Variants in LEPR observed in about 807,000 individuals in gnomAD.
LEPR encodes the protein leptin receptor, also known as OB receptor.
In LEPR, 56 loss-of-function variants were observed where a neutral mutation model predicts 114.7. The observed-to-expected ratio is 0.49, with a 90% CI of 0.39 to 0.61. The LOEUF is 0.61. Among genes scored for constraint, LEPR ranks in the 20% least tolerant of loss-of-function variants. The pLI is 0.00. For missense variants in LEPR, 1,202 were observed against 1,352.9 expected, an observed-to-expected ratio of 0.89 and a Z score of 1.75; for synonymous variants, 443 against 461.4, an observed-to-expected ratio of 0.96 and a Z score of 0.51.
intron 2 of LEPR, among the ~76,000 whole-genome samples, chr1:65,522,039 G>A (rs955921882): frequency 5.9e-5 from 9 of 152,110 alleles, no homozygotes; most frequent in Non-Finnish European, 1.3e-4. Context: ...TAAGATCTGT[G>A]TGGTAATTAG....
intron 2 of LEPR, chr1:65,525,530 G>T (rs1649881098): frequency 2.8e-6 from 2 of 722,868 alleles, no homozygotes; most frequent in South Asian, 6.2e-5. Flanking sequence ...AGCCGCTCGA[G>T]TCCGCTCCTC....
At chr1:65,540,613 C>A (rs1238394001) in intron 2 of LEPR, among the ~76,000 whole-genome samples, 1 of 152,192 alleles carries the variant, frequency 6.6e-6, no homozygotes, top group Non-Finnish European at 1.5e-5. Context: ...TTATAGTCTA[C>A]AGGACCATGA....
At chr1:65,566,649 A>G (rs1016152393) in intron 3 of LEPR, among the ~76,000 whole-genome samples, 37 of 152,338 alleles carry the variant, frequency 2.4e-4, no homozygotes, top group African/African-American at 8.7e-4. Context: ...AACAAAACTT[A>G]TGTGATTTGG....
chr1:65,526,747 G>A (rs182620574), intron 2 of LEPR, among the ~76,000 whole-genome samples: 3 of 152,218 alleles, frequency 2.0e-5, no homozygotes, highest in Non-Finnish European at 1.5e-5. Flanking sequence ...CAAGTTGGAG[G>A]GTTGGATTAA....
intron 2 of LEPR, among the ~76,000 whole-genome samples, chr1:65,450,805 C>G (rs1646774683): frequency 6.6e-6 from 1 of 151,992 alleles, no homozygotes; most frequent in Non-Finnish European, 1.5e-5. Context: ...AATGGGATGG[C>G]TGGGTCAAAT....
intron 2 of LEPR, among the ~76,000 whole-genome samples, chr1:65,436,836 A>C (rs898276186): frequency 2.6e-5 from 4 of 152,258 alleles, no homozygotes; most frequent in African/African-American, 9.6e-5. Flanking sequence ...GAATAATTAA[A>C]TAATAAAACC....
At chr1:65,533,395 C>T (rs541953752) in intron 2 of LEPR, among the ~76,000 whole-genome samples, 1 of 152,210 alleles carries the variant, frequency 6.6e-6, no homozygotes, top group South Asian at 2.1e-4. Context: ...AATGCTAAAG[C>T]ACTCTTGAAA....
At chr1:65,454,061 T>A (rs1281453126) in intron 2 of LEPR, among the ~76,000 whole-genome samples, 2 of 151,392 alleles carry the variant, frequency 1.3e-5, no homozygotes, top group Non-Finnish European at 2.9e-5. Context: ...TCTTTTGATC[T>A]TTGTTGGTTT....
At chr1:65,475,006 CAAAAAAA>C (rs1325552861) in intron 2 of LEPR, among the ~76,000 whole-genome samples, 4 of 23,940 alleles carry the variant, frequency 1.7e-4, no homozygotes, top group Non-Finnish European at 3.2e-4. Flanking sequence ...GACTCCATCT[CAAAAAAA>C]AAAAAAAAAA....
rs143832926 is a variant in LEPR, at chr1:65,432,071, G to T, written c.-21+6693G>T. On this transcript the variant is annotated intron_variant, in intron 2 of 19. Transcript: ENST00000349533. ...CACTTTAAGAAAGACTTCATAAGTAGGAGATGAGTTTTATTCTCAGCAAAT... is the reference window on the plus strand; with the variant it reads ...CACTTTAAGAAAGACTTCATAAGTATGAGATGAGTTTTATTCTCAGCAAAT... The T allele has an allele frequency of 2.1e-4, 281 of 1,349,640 alleles. 1 individual carries two copies. In the East Asian group the frequency reaches 5.5e-3, roughly 26 times the overall value. The allele number at this position is 1,349,640 out of a possible 1,614,324, so 83.6% of individuals were successfully genotyped here.
At chr1:65,519,684 G>C (rs1050318627) in intron 2 of LEPR, among the ~76,000 whole-genome samples, 2 of 151,820 alleles carry the variant, frequency 1.3e-5, no homozygotes, top group African/African-American at 4.8e-5. Flanking sequence ...TCCTCAGAAG[G>C]AAGTGAGAAG....
intron 2 of LEPR, among the ~76,000 whole-genome samples, chr1:65,519,775 C>T (rs564062814): frequency 4.3e-4 from 66 of 152,110 alleles, no homozygotes; most frequent in African/African-American, 1.5e-3. Flanking sequence ...TTTGAGCAAT[C>T]CTCACACCTC....
chr1:65,581,556 A>G (rs1381828224), intron 5 of LEPR, among the ~76,000 whole-genome samples: 1 of 151,804 alleles, frequency 6.6e-6, no homozygotes, highest in Non-Finnish European at 1.5e-5. Flanking sequence ...CCTCCAGTGG[A>G]TCTCTCTGGT....
intron 2 of LEPR, among the ~76,000 whole-genome samples, chr1:65,519,679 A>G (rs1184418158): frequency 6.6e-6 from 1 of 151,820 alleles, no homozygotes; most frequent in Non-Finnish European, 1.5e-5. Context: ...CTACTTCCTC[A>G]GAAGGAAGTG....
intron 2 of LEPR, among the ~76,000 whole-genome samples, chr1:65,520,803 G>A (rs763144776): frequency 6.6e-6 from 1 of 152,228 alleles, no homozygotes; most frequent in Non-Finnish European, 1.5e-5. Context: ...GAAATAAAGG[G>A]ATTGGCTGAA....
intron 14 of LEPR, among the ~76,000 whole-genome samples, chr1:65,610,983 A>G (rs1046428266): frequency 6.6e-6 from 1 of 152,214 alleles, no homozygotes; most frequent in Non-Finnish European, 1.5e-5. Flanking sequence ...GTAAGACCAA[A>G]GCCTCTGTAA....
At chr1:65,571,448 A>G (rs1211356690) in intron 4 of LEPR, among the ~76,000 whole-genome samples, 2 of 152,154 alleles carry the variant, frequency 1.3e-5, no homozygotes, top group African/African-American at 4.8e-5. Context: ...ATCTGGAAAT[A>G]TAAACAACAA....
Position 65,621,401 on chromosome 1 carries a change from C to A in LEPR, c.2540C>A (p.Pro847Gln), listed in dbSNP as rs754068986. 1 of 1,613,228 alleles carries A rather than the reference C, an allele frequency of 6.2e-7. No individual in the cohort carries two copies. Among genetic ancestry groups the A allele is most frequent in the Non-Finnish European group, 8.5e-7 (1 of 1,179,608 alleles). The change falls in exon 18 of 20, where the codon CCA becomes CAA. Residue 847 changes from proline to glutamine, a missense_variant. Transcript: ENST00000349533. ...QSDAGLYVIV[P>Q]VIISSSILLL... is the part of the protein sequence containing the mutation. ...GATGCAGGTTTATATGTAATTGTGC[C>A]AGTAATTATTTCCTCTTCCATCTTA...
intron 1 of LEPR, 22 bp downstream of exon 1, chr1:65,420,762 G>T: frequency 6.3e-7 from 1 of 1,576,510 alleles, no homozygotes; most frequent in African/African-American, 1.3e-5. Flanking sequence ...TCCCCGGCTC[G>T]CTTGTCGTGT....
Sources: allele counts gnomAD v4.1 joint callset (sites outside exome capture counted in the v4.1 genomes callset), GRCh38; gene constraint gnomAD v4.1.1; transcripts MANE v1.5; gene names NCBI Gene and HGNC (gene_info 2026-07-23, HGNC 2026-07-21).